DOP1B: variants seen among roughly 807,000 people sequenced by gnomAD.
DOP1B encodes the protein protein DOP1B.
DOP1B carries 174 observed loss-of-function variants against 233.5 expected under a neutral mutation model. The observed-to-expected ratio is 0.75, with a 90% CI of 0.66 to 0.85. The LOEUF (loss-of-function observed/expected upper bound fraction) is 0.85, where lower values mean the gene tolerates loss of function less well. DOP1B is among the 40% of genes least tolerant of loss of function. DOP1B has a pLI of 0.00. For synonymous variants in DOP1B, 1,190 were observed against 1,185.6 expected (o/e 1.00, Z -0.08); for missense variants, 2,652 against 2,846.6 (o/e 0.93, Z 1.56).
At chr21:36,161,420 G>T (rs2065868498) in intron 1 of DOP1B, among the ~76,000 whole-genome samples, 1 of 151,944 alleles carries the variant, frequency 6.6e-6, no homozygotes, top group African/African-American at 2.4e-5. Flanking sequence ...TATAGGCATG[G>T]GCCACTGCAC....
At chr21:36,267,522 A>G (rs541164525) in intron 26 of DOP1B, among the ~76,000 whole-genome samples, 41 of 152,260 alleles carry the variant, frequency 2.7e-4, no homozygotes, top group Admixed American at 2.6e-3. Context: ...CATCTCTACA[A>G]GAAATTTAAA....
intron 18 of DOP1B, among the ~76,000 whole-genome samples, chr21:36,241,979 C>G (rs2066897024): frequency 6.6e-6 from 1 of 151,698 alleles, no homozygotes; most frequent in African/African-American, 2.4e-5. Context: ...GCTGGCTGCC[C>G]TATCAAATAG....
chr21:36,271,994 T>C (rs931926836), intron 27 of DOP1B, among the ~76,000 whole-genome samples: 2 of 151,296 alleles, frequency 1.3e-5, no homozygotes, highest in East Asian at 3.9e-4. Flanking sequence ...TCTTTGCTAC[T>C]GTCAGTGTCA....
intron 18 of DOP1B, among the ~76,000 whole-genome samples, chr21:36,244,823 C>G (rs1017775954): frequency 3.3e-5 from 5 of 152,210 alleles, no homozygotes; most frequent in Admixed American, 2.0e-4. Flanking sequence ...TTTACTATAA[C>G]AATGTAACTA....
At position 36,219,413 on chromosome 21, in the gene DOP1B, G is replaced by C; in HGVS notation, c.1171G>C (p.Ala391Pro). The C allele has an allele frequency of 6.2e-7, 1 of 1,614,118 alleles. No homozygotes were observed. Among genetic ancestry groups the C allele is most frequent in the Non-Finnish European group, 8.5e-7 (1 of 1,180,024 alleles). The change falls in exon 10 of 37, where the codon GCC (alanine) becomes CCC (proline). Residue 391 changes from alanine (A) to proline (P), a missense_variant. Coordinates refer to ENST00000691173, the MANE Select transcript of DOP1B (RefSeq NM_001320714.2). Reference sequence around the variant, plus strand: ...GAATTTGTTTCTCGAAGTCATCAGGGCCTTTTATTCTTACTGCAGAGATGC... The same window carrying C: ...GAATTTGTTTCTCGAAGTCATCAGGCCCTTTTATTCTTACTGCAGAGATGC... ...VGNLFLEVIR[A>P]FYSYCRDALG...
chr21:36,173,130 T>C (rs747496925), intron 2 of DOP1B, among the ~76,000 whole-genome samples: 11 of 152,042 alleles, frequency 7.2e-5, no homozygotes, highest in Non-Finnish European at 1.3e-4. Context: ...AAAAAAGAGT[T>C]GAGAGTTGAA....
At chr21:36,165,004 T>C in intron 2 of DOP1B, 133 bp downstream of exon 2, 1 of 764,230 alleles carries the variant, frequency 1.3e-6, no homozygotes, top group Non-Finnish European at 1.8e-6. Flanking sequence ...TACAGTATAA[T>C]CTTTATATTA....
At chr21:36,177,397 T>G (rs1165548750) in intron 2 of DOP1B, among the ~76,000 whole-genome samples, 3 of 152,232 alleles carry the variant, frequency 2.0e-5, no homozygotes, top group African/African-American at 7.2e-5. Flanking sequence ...GATAGTCTAT[T>G]TACTTTGTGT....
At position 36,204,260 on chromosome 21, in the gene DOP1B, G is replaced by A. The variant is rs75477523; in HGVS notation, c.491+3759G>A. On this transcript the variant is annotated intron_variant, in intron 4 of 36. Coordinates refer to ENST00000691173, the MANE Select transcript of DOP1B (RefSeq NM_001320714.2). Reference sequence around the variant, plus strand: ...GGTCCCAGATGTCAGTGGGGTGGACGTTCAGAAACCCTGGCTTAAAGAGTT... The same window carrying A: ...GGTCCCAGATGTCAGTGGGGTGGACATTCAGAAACCCTGGCTTAAAGAGTT... 4.5e-3 allele frequency among the ~76,000 whole-genome samples: 687 copies of A among 152,254 alleles called. 6 individuals carry two copies. The highest frequency in any genetic ancestry group is 0.016 in the African/African-American group (656 of 41,542).
rs370652870 is a variant in DOP1B at position 36,245,453 on chromosome 21, G to A, written c.3473G>A (p.Arg1158His). ...ATGGGGGGCAGGGCGTACCCCAAGC[G>A]CTCGGCCCTGCTGGCGGCCTTCCAG... ...IPMGGRAYPK[R>H]SALLAAFQSE... Residue 1158 changes from arginine (R) to histidine (H), a missense_variant, in exon 19 of 37, where the codon CGC (arginine) becomes CAC (histidine). Coordinates refer to ENST00000691173, the MANE Select transcript of DOP1B (RefSeq NM_001320714.2). This position sits in a 1 kb window ranked among gnomAD's most constrained non-coding sequence, Gnocchi z 5.5. 5.0e-5 allele frequency: 80 copies of A among 1,613,774 alleles called. No homozygotes were observed. The highest frequency in any genetic ancestry group is 8.3e-5 in the Admixed American group (5 of 60,012).
intron 16 of DOP1B, 123 bp from the exon 17 acceptor site, chr21:36,238,478 G>A (rs1371763283): frequency 1.3e-6 from 1 of 751,666 alleles, no homozygotes; most frequent in Non-Finnish European, 2.3e-6. Context: ...CAGCGTCTTT[G>A]CTGTGGTTGC....
intron 36 of DOP1B, 105 bp from the exon 37 acceptor site, chr21:36,293,215 A>G: frequency 7.3e-7 from 1 of 1,364,144 alleles, no homozygotes; most frequent in South Asian, 1.4e-5. Flanking sequence ...CAAAAAAAAA[A>G]AAAAAGGACC....
At chr21:36,271,027 C>T (rs2067282347) in intron 27 of DOP1B, among the ~76,000 whole-genome samples, 1 of 149,286 alleles carries the variant, frequency 6.7e-6, no homozygotes, top group African/African-American at 2.5e-5. Flanking sequence ...AAAAAGAAAA[C>T]ATATATCAAA....
chr21:36,252,871 C>T lies in DOP1B; in HGVS notation c.5122-901C>T, dbSNP rs552560745. On this transcript the variant is annotated intron_variant, in intron 22 of 36. Coordinates refer to ENST00000691173, the MANE Select transcript of DOP1B (RefSeq NM_001320714.2). ...GTCCATGATGAAGTCCTGCAGGGGTCGGCTTACCTTTTTCAACCTCAATCC... is the reference window on the plus strand; with the variant it reads ...GTCCATGATGAAGTCCTGCAGGGGTTGGCTTACCTTTTTCAACCTCAATCC... Among the ~76,000 whole-genome samples, 9 of 152,284 alleles carry T rather than the reference C, an allele frequency of 5.9e-5. No homozygotes were observed. The East Asian group carries it at 1.2e-3, about 20-fold the overall frequency.
rs546032271 is a variant in DOP1B at position 36,239,954 on chromosome 21, C to T, written c.3066C>T (p.Ala1022=). Reference sequence around the variant, plus strand: ...ACTGCCTCAAGCAGGAGAACTCGGCCGGTGAGCAGCCTGCACAGGACCCGA... The same window carrying T: ...ACTGCCTCAAGCAGGAGAACTCGGCTGGTGAGCAGCCTGCACAGGACCCGA... ...SIHCLKQENS[A]DDLHRWFNRK... is the part of the protein sequence containing the mutation. The change falls in exon 18 of 37, where the codon GCC becomes GCT. Residue 1022 remains alanine, a splice_region_variant and synonymous_variant. Transcript: ENST00000691173. 76 of 1,607,484 alleles carry T rather than the reference C, an allele frequency of 4.7e-5. No individual in the cohort carries two copies. The highest frequency in any genetic ancestry group is 5.8e-5 in the Non-Finnish European group (68 of 1,178,132).
chr21:36,159,117 A>T (rs777646446), intron 1 of DOP1B, among the ~76,000 whole-genome samples: 1 of 151,844 alleles, frequency 6.6e-6, no homozygotes, highest in Non-Finnish European at 1.5e-5. Flanking sequence ...GGGTGACAAG[A>T]GCGAGACTCT....
chr21:36,293,582 G>C lies in DOP1B; in HGVS notation c.*11G>C, dbSNP rs775862750. 5.1e-5 allele frequency: 82 copies of C among 1,613,402 alleles called. No homozygotes were observed. Among genetic ancestry groups the C allele is most frequent in the Non-Finnish European group, 6.7e-5 (79 of 1,179,476 alleles). On this transcript the variant is annotated 3_prime_UTR_variant, in exon 37 of 37. Coordinates refer to ENST00000691173, the MANE Select transcript of DOP1B (RefSeq NM_001320714.2). Reference sequence around the variant, plus strand: ...CATCCAGAATGTTAACCATGTGAGAGAGAATATGTTTAATCCATGTATTGG... The same window carrying C: ...CATCCAGAATGTTAACCATGTGAGACAGAATATGTTTAATCCATGTATTGG...
At chr21:36,229,266 C>T (rs1268048352) in intron 13 of DOP1B, among the ~76,000 whole-genome samples, 1 of 152,158 alleles carries the variant, frequency 6.6e-6, no homozygotes, top group Non-Finnish European at 1.5e-5. Context: ...TTTTGAAGGC[C>T]AGGGCCTGAC....
chr21:36,247,166 A>G (rs1344548065), intron 19 of DOP1B, among the ~76,000 whole-genome samples: 1 of 152,202 alleles, frequency 6.6e-6, no homozygotes, highest in Non-Finnish European at 1.5e-5. Flanking sequence ...AGAGGGAGCC[A>G]CTGCGCCCAG....
Sources: gnomAD v4.1 joint callset for allele counts (sites outside exome capture counted in the v4.1 genomes callset) on GRCh38, gnomAD v4.1.1 for gene constraint, Gnocchi (gnomAD v3.1) non-coding constraint, MANE v1.5 for transcripts, NCBI Gene and HGNC (gene_info 2026-07-23, HGNC 2026-07-21) for gene names.